The following RBMS3 variants were observed in gnomAD, a reference collection of about 807,000 sequenced individuals.
The protein encoded by RBMS3 is RNA binding motif single stranded interacting protein 3, also known as RNA-binding motif, single-stranded-interacting protein 3.
RBMS3 carries 27 observed loss-of-function variants against 66.8 expected under a neutral mutation model. The ratio of observed to expected loss-of-function variants is 0.40; its 90% CI spans 0.30 to 0.56. The LOEUF (loss-of-function observed/expected upper bound fraction) is 0.56, where lower values mean the gene tolerates loss of function less well. RBMS3 is among the 20% of genes least tolerant of loss of function. RBMS3 has a pLI of 0.40. For missense variants in RBMS3, 513 were observed against 549.5 expected (o/e 0.93, Z 0.66); for synonymous variants, 188 against 183.0 (o/e 1.03, Z -0.22).
intron 6 of RBMS3, among the ~76,000 whole-genome samples, chr3:29,843,065 C>T (rs2058699710): frequency 6.6e-6 from 1 of 152,134 alleles, no homozygotes; most frequent in Admixed American, 6.5e-5. Context: ...TATTCCATGC[C>T]ATTAGATATT....
intron 6 of RBMS3, among the ~76,000 whole-genome samples, chr3:29,866,077 T>TAAAAAAAAAAAAAAAAAAA (rs35591949): frequency 1.0e-4 from 11 of 105,574 alleles, no homozygotes; most frequent in African/African-American, 3.1e-4. Context: ...CACCAAATAC[T>TAAAAAAAAAAAAAAAAAAA]AAAAAAAAAA....
intron 10 of RBMS3, among the ~76,000 whole-genome samples, chr3:29,905,084 A>G (rs950566749): frequency 6.6e-6 from 1 of 152,064 alleles, no homozygotes; most frequent in African/African-American, 2.4e-5. Context: ...GTAAAAAGCC[A>G]AACAGTAAAT....
intron 4 of RBMS3, among the ~76,000 whole-genome samples, chr3:29,645,284 G>A (rs2049874331): frequency 6.6e-6 from 1 of 152,166 alleles, no homozygotes; most frequent in Non-Finnish European, 1.5e-5. Context: ...ATTGTGATCT[G>A]CAAATCGGTA....
chr3:29,489,739 T>TA (rs201069908), intron 3 of RBMS3, among the ~76,000 whole-genome samples: 33,860 of 123,780 alleles, frequency 0.27, 4,470 homozygotes, highest in Admixed American at 0.31. Flanking sequence ...CACGTAGCTG[T>TA]AAAAAAAAAA....
chr3:29,941,093 G>C (rs1001873604), intron 11 of RBMS3, among the ~76,000 whole-genome samples: 1 of 151,806 alleles, frequency 6.6e-6, no homozygotes, highest in African/African-American at 2.4e-5. Context: ...AAAAGTTTTT[G>C]TTCTGCAGGT....
intron 6 of RBMS3, among the ~76,000 whole-genome samples, chr3:29,848,299 C>T (rs2058840693): frequency 6.6e-6 from 1 of 152,182 alleles, no homozygotes; most frequent in Admixed American, 6.5e-5. Flanking sequence ...CTTCCTATGC[C>T]TGTGCTGTAT....
At chr3:29,345,543 A>G (rs1004204566) in intron 1 of RBMS3, among the ~76,000 whole-genome samples, 6 of 152,186 alleles carry the variant, frequency 3.9e-5, no homozygotes, top group African/African-American at 1.4e-4. Flanking sequence ...TGAAAGACAT[A>G]AAATGCCTCT....
chr3:29,929,103 G>C (rs2061035457), intron 10 of RBMS3, among the ~76,000 whole-genome samples: 1 of 152,156 alleles, frequency 6.6e-6, no homozygotes, highest in Non-Finnish European at 1.5e-5. Flanking sequence ...ATAATCTTAA[G>C]ATCAATTCTG....
chr3:29,660,329 A>T (rs1033239405), intron 4 of RBMS3, among the ~76,000 whole-genome samples: 7 of 152,134 alleles, frequency 4.6e-5, no homozygotes, highest in Non-Finnish European at 1.0e-4. Flanking sequence ...AATTTAGTCT[A>T]TTTAGTCTGA....
chr3:29,858,248 A>C (rs1358433706), intron 6 of RBMS3, among the ~76,000 whole-genome samples: 2 of 152,098 alleles, frequency 1.3e-5, no homozygotes, highest in African/African-American at 4.8e-5. Flanking sequence ...GCACTGTAAG[A>C]TTATAGTGAT....
chr3:29,455,751 C>A (rs1051349623), intron 2 of RBMS3, among the ~76,000 whole-genome samples: 15 of 151,622 alleles, frequency 9.9e-5, no homozygotes, highest in African/African-American at 3.4e-4. Flanking sequence ...CTAGAGAGCA[C>A]TTTACCACTA....
At chr3:29,690,120 T>A (rs986901683) in intron 4 of RBMS3, among the ~76,000 whole-genome samples, 20 of 151,762 alleles carry the variant, frequency 1.3e-4, no homozygotes, top group African/African-American at 4.6e-4. Flanking sequence ...AAATTATATT[T>A]ATAAGAGATC....
chr3:29,678,661 A>G (rs76963848), intron 4 of RBMS3, among the ~76,000 whole-genome samples: 4,123 of 152,248 alleles, frequency 0.027, 78 homozygotes, highest in Admixed American at 0.063. Flanking sequence ...TTTGACAAAA[A>G]ATATTTTGTC....
intron 5 of RBMS3, among the ~76,000 whole-genome samples, chr3:29,756,742 C>A (rs187373735): frequency 6.6e-6 from 1 of 152,184 alleles, no homozygotes; most frequent in East Asian, 1.9e-4. Flanking sequence ...CCCACAACTC[C>A]CCAATTCAGG....
At chr3:29,360,266 C>G (rs151023268) in intron 1 of RBMS3, among the ~76,000 whole-genome samples, 15,520 of 151,956 alleles carry the variant, frequency 0.1, 918 homozygotes, top group East Asian at 0.19. Context: ...TCGTTGGTTT[C>G]AAAGAATATC....
chr3:29,980,953 T>A (rs1489264084), intron 12 of RBMS3, among the ~76,000 whole-genome samples: 1 of 152,208 alleles, frequency 6.6e-6, no homozygotes, highest in Non-Finnish European at 1.5e-5. Context: ...AGTAGTTTTT[T>A]CTAATTCTGT....
chr3:29,801,272 C>CTTTTTTCTTT (rs2057380058), intron 6 of RBMS3, among the ~76,000 whole-genome samples: 1 of 129,478 alleles, frequency 7.7e-6, no homozygotes, highest in East Asian at 2.1e-4. Context: ...TGCTTTTTTT[C>CTTTTTTCTTT]TTTTTTTTTT....
intron 8 of RBMS3, among the ~76,000 whole-genome samples, chr3:29,884,425 TCTCTCTCTCTC>T (rs2059812277): frequency 1.6e-5 from 1 of 61,764 alleles, no homozygotes; most frequent in African/African-American, 5.9e-5. Flanking sequence ...AACCCTGTTC[TCTCTCTCTCTC>T]TCTCTCTCTC....
intron 6 of RBMS3, among the ~76,000 whole-genome samples, chr3:29,849,471 A>ATGTG (rs2058877188): frequency 6.7e-6 from 1 of 150,354 alleles, no homozygotes; most frequent in Admixed American, 6.7e-5. Context: ...CCGAGATCAC[A>ATGTG]CCACTGCACT....
Sources: allele counts gnomAD v4.1 joint callset (sites outside exome capture counted in the v4.1 genomes callset), GRCh38; gene constraint gnomAD v4.1.1; transcripts MANE v1.5; gene names NCBI Gene and HGNC (gene_info 2026-07-23, HGNC 2026-07-21).